RAB4B: variants seen among roughly 807,000 people sequenced by gnomAD.
RAB4B encodes the protein ras-related protein Rab-4B.
Under a neutral mutation model 28.3 loss-of-function variants are expected in RAB4B, and 15 were observed. That is an observed-to-expected ratio of 0.53 (90% CI 0.35 to 0.82). The LOEUF (loss-of-function observed/expected upper bound fraction) is 0.82, where lower values mean the gene tolerates loss of function less well. Ranked by LOEUF, RAB4B falls within the 40% of genes least tolerant of loss-of-function variation. The pLI is 0.01. For missense variants in RAB4B, 244 were observed against 288.5 expected, an observed-to-expected ratio of 0.85 and a Z score of 1.12; for synonymous variants, 108 against 116.3, an observed-to-expected ratio of 0.93 and a Z score of 0.46.
intron 2 of RAB4B, 52 bp downstream of exon 2, chr19:40,780,151 G>C: frequency 1.2e-6 from 2 of 1,600,932 alleles, no homozygotes; most frequent in Non-Finnish European, 1.7e-6. Flanking sequence ...TATGCGCATG[G>C]TGTGGGCTGG....
intron 7 of RAB4B, among the ~76,000 whole-genome samples, chr19:40,795,924 C>T (rs2083205693): frequency 6.7e-6 from 1 of 149,616 alleles, no homozygotes; most frequent in African/African-American, 2.5e-5. Context: ...TCAGGCTGGT[C>T]TGGAACTCCC....
chr19:40,790,156 CAG>C (rs1453391256), intron 7 of RAB4B, among the ~76,000 whole-genome samples: 3 of 152,114 alleles, frequency 2.0e-5, no homozygotes, highest in East Asian at 3.9e-4. Context: ...TTCAGGGGTG[CAG>C]AGAGTTCCTC....
intron 1 of RAB4B, chr19:40,779,772 C>A (rs117475828): frequency 0.026 from 24,331 of 936,406 alleles, 380 homozygotes; most frequent in Middle Eastern, 0.036. Flanking sequence ...GACAAAAAAA[C>A]CCCTGCACAT....
chr19:40,779,072 C>A, intron 1 of RAB4B: 1 of 968,168 alleles, frequency 1.0e-6, no homozygotes. Flanking sequence ...ACCAGCTTGT[C>A]ATTTTCAGGG....
At chr19:40,790,862 T>TC (rs1458922446) in intron 7 of RAB4B, among the ~76,000 whole-genome samples, 2 of 149,766 alleles carry the variant, frequency 1.3e-5, no homozygotes, top group Non-Finnish European at 3.0e-5. Context: ...TTGTATTTTT[T>TC]TTTTTTTTTT....
intron 7 of RAB4B, among the ~76,000 whole-genome samples, chr19:40,789,051 A>G (rs2083131584): frequency 6.6e-6 from 1 of 151,616 alleles, no homozygotes; most frequent in Non-Finnish European, 1.5e-5. Context: ...AAGTGCCGGG[A>G]TTACAGTGTG....
At chr19:40,790,608 C>T (rs527320141) in intron 7 of RAB4B, among the ~76,000 whole-genome samples, 2 of 149,854 alleles carry the variant, frequency 1.3e-5, no homozygotes, top group Admixed American at 6.7e-5. Flanking sequence ...CTCCTGACCT[C>T]GTGATCCTCC....
In RAB4B at chr19:40,780,461, G is replaced by A. The variant is rs1298014892; in HGVS notation, c.174G>A (p.Lys58=). ...RVVNVGGKTV[K]LQIWDTAGQE... ...TCAACGTGGGTGGGAAGACTGTGAA[G>A]CTACAGATTTGGGACACGGCTGGCC... The change falls in exon 3 of 8, where the codon AAG becomes AAA. Residue 58 remains lysine, a synonymous_variant. Transcript: ENST00000357052. 6.2e-7 allele frequency: 1 copy of A among 1,613,870 alleles called. No individual in the cohort carries two copies. The highest frequency in any genetic ancestry group is 1.3e-5 in the African/African-American group (1 of 75,012).
At chr19:40,795,205 C>T (rs992756762) in intron 7 of RAB4B, among the ~76,000 whole-genome samples, 1 of 148,844 alleles carries the variant, frequency 6.7e-6, no homozygotes, top group African/African-American at 2.5e-5. Context: ...GTGAGCCAGC[C>T]AGTTGCAGGA....
At chr19:40,782,669 C>T (rs202126554) in intron 3 of RAB4B, among the ~76,000 whole-genome samples, 23 of 151,738 alleles carry the variant, frequency 1.5e-4, no homozygotes, top group Middle Eastern at 3.4e-3. Flanking sequence ...AAAAATTAGC[C>T]GGGCGTGGTG....
At position 40,780,094 on chromosome 19, in the gene RAB4B, A is replaced by G. The variant is rs2083032673; in HGVS notation, c.92A>G (p.Asn31Ser). ...TGTCTCCTTCATCAGTTCATTGAGA[A>G]TAAGTGTGAGTTTCCCGCAGTGGTC... The part of the protein sequence containing the change: ...KSCLLHQFIE[N>S]KFKQDSNHTI... Residue 31 changes from asparagine to serine, a missense_variant, in exon 2 of 8, where the codon AAT becomes AGT. Asn to Ser is a conservative substitution (Grantham distance 46). Coordinates refer to ENST00000357052, the MANE Select transcript of RAB4B (RefSeq NM_016154.5). 4 of 1,613,060 alleles carry G rather than the reference A, an allele frequency of 2.5e-6. No individual in the cohort carries two copies. Among genetic ancestry groups the G allele is most frequent in the South Asian group, 1.1e-5 (1 of 91,046 alleles).
intron 7 of RAB4B, among the ~76,000 whole-genome samples, chr19:40,791,928 C>T (rs148361389): frequency 2.5e-4 from 38 of 152,364 alleles, no homozygotes; most frequent in Admixed American, 5.9e-4. Flanking sequence ...CCACTGCACC[C>T]GGCCCCAAAC....
At chr19:40,782,556 T>C in intron 3 of RAB4B, among the ~76,000 whole-genome samples, 1 of 152,192 alleles carries the variant, frequency 6.6e-6, no homozygotes, top group Admixed American at 6.5e-5. Context: ...CTCACGCCTG[T>C]AATCCCAGCA....
At chr19:40,795,662 T>A (rs771459268) in intron 7 of RAB4B, among the ~76,000 whole-genome samples, 1 of 152,042 alleles carries the variant, frequency 6.6e-6, no homozygotes, top group African/African-American at 2.4e-5. Flanking sequence ...CCCAAAGTGC[T>A]GGGATTACAG....
At chr19:40,788,481 T>TAAAAACA (rs2083124065) in intron 7 of RAB4B, among the ~76,000 whole-genome samples, 1 of 67,106 alleles carries the variant, frequency 1.5e-5, no homozygotes, top group Non-Finnish European at 3.2e-5. Flanking sequence ...GCGAGACTCT[T>TAAAAACA]AAAAAAAAAA....
chr19:40,791,205 G>A (rs1000315692), intron 7 of RAB4B, among the ~76,000 whole-genome samples: 2 of 151,884 alleles, frequency 1.3e-5, no homozygotes, highest in African/African-American at 4.8e-5. Flanking sequence ...CGTGAGGCTG[G>A]TCTTGAACTC....
intron 7 of RAB4B, among the ~76,000 whole-genome samples, chr19:40,789,203 T>C (rs1252394505): frequency 6.6e-6 from 1 of 151,536 alleles, no homozygotes; most frequent in East Asian, 1.9e-4. Flanking sequence ...GCCAAGAATG[T>C]ACTTTTTTTT....
At chr19:40,795,871 C>G (rs1358898752) in intron 7 of RAB4B, among the ~76,000 whole-genome samples, 1 of 151,980 alleles carries the variant, frequency 6.6e-6, no homozygotes, top group African/African-American at 2.4e-5. Flanking sequence ...CCACACCTGG[C>G]TAATTTTGTA....
chr19:40,793,576 T>TG (rs2083179491), intron 7 of RAB4B, among the ~76,000 whole-genome samples: 4 of 119,228 alleles, frequency 3.4e-5, no homozygotes, highest in South Asian at 3.1e-4. Flanking sequence ...TTTTTTGTTT[T>TG]TTTTTTTTTT....
Sources: allele counts gnomAD v4.1 joint callset (sites outside exome capture counted in the v4.1 genomes callset), GRCh38; gene constraint gnomAD v4.1.1; transcripts MANE v1.5; gene names NCBI Gene and HGNC (gene_info 2026-07-23, HGNC 2026-07-21).